SLIT1: variants seen among roughly 807,000 people sequenced by gnomAD.
SLIT1 encodes the protein slit guidance ligand 1.
Under a neutral mutation model 186.1 loss-of-function variants are expected in SLIT1, and 66 were observed. The ratio of observed to expected loss-of-function variants is 0.35; its 90% CI spans 0.29 to 0.44. The LOEUF (loss-of-function observed/expected upper bound fraction) is 0.44, where lower values mean the gene tolerates loss of function less well. Ranked by LOEUF, SLIT1 falls within the 20% of genes least tolerant of loss-of-function variation. The pLI, the probability that SLIT1 is intolerant of heterozygous loss-of-function variation, is 1.00. For missense variants in SLIT1, 1,638 were observed against 2,037.4 expected, an observed-to-expected ratio of 0.80 and a Z score of 3.77; for synonymous variants, 761 against 833.8, an observed-to-expected ratio of 0.91 and a Z score of 1.50.
intron 22 of SLIT1, among the ~76,000 whole-genome samples, chr10:97,037,449 T>G (rs534755337): frequency 4.0e-5 from 6 of 151,852 alleles, no homozygotes; most frequent in Non-Finnish European, 8.8e-5. Flanking sequence ...CGGGGGAGCT[T>G]TGGGGAGACG....
At chr10:97,095,329 A>C (rs1849276697) in intron 4 of SLIT1, among the ~76,000 whole-genome samples, 1 of 152,218 alleles carries the variant, frequency 6.6e-6, no homozygotes, top group South Asian at 2.1e-4. Context: ...AACTGCATCC[A>C]TGCTTTCCAG....
intron 4 of SLIT1, chr10:97,153,583 G>A (rs556909627): frequency 6.6e-6 from 1 of 152,316 alleles, no homozygotes; most frequent in African/African-American, 2.4e-5. Flanking sequence ...GAGATAGTGT[G>A]GGCACCATAG....
intron 4 of SLIT1, among the ~76,000 whole-genome samples, chr10:97,084,903 G>T (rs1054501594): frequency 6.8e-6 from 1 of 148,064 alleles, no homozygotes; most frequent in African/African-American, 2.5e-5. Flanking sequence ...CACTGCACCC[G>T]GCCACTGTTA....
At chr10:97,034,327 T>G in intron 23 of SLIT1, 144 bp downstream of exon 23, 1 of 696,024 alleles carries the variant, frequency 1.4e-6, no homozygotes, top group South Asian at 1.5e-5. Flanking sequence ...TCAAAGTCTT[T>G]TAGGCTCTCA....
intron 4 of SLIT1, among the ~76,000 whole-genome samples, chr10:97,112,724 C>T (rs900612958): frequency 1.3e-5 from 2 of 152,128 alleles, no homozygotes; most frequent in Admixed American, 6.5e-5. Context: ...TTTTTTGAGG[C>T]AGGGTCTCAC....
In SLIT1 at chr10:97,028,170, T is replaced by A. The variant is rs546328245; in HGVS notation, c.2582+2587A>T. ...GCAACCAAAAATTACCCAACACAGATGGAAACAAGCCCCTGTGAATTCAAG... is the reference window on the plus strand; with the variant it reads ...GCAACCAAAAATTACCCAACACAGAAGGAAACAAGCCCCTGTGAATTCAAG... On this transcript the variant is annotated intron_variant, in intron 25 of 36. Coordinates refer to ENST00000266058, the MANE Select transcript of SLIT1 (RefSeq NM_003061.3). Among the ~76,000 whole-genome samples, 4 of 152,242 alleles carry A rather than the reference T, an allele frequency of 2.6e-5. No individual in the cohort carries two copies. In the South Asian group the frequency reaches 8.3e-4, roughly 32 times the overall value.
Position 97,001,113 on chromosome 10 carries a change from T to C in SLIT1, c.4604A>G (p.Ter1535TrpextTer8), listed in dbSNP as rs1336790685. ...TCACCGGCCTGTCCACGCCCAGCGC[T>C]ATGCGCAGAGGGCACAGCCACACTT... ...PTKCGCALCA[*>W] is the part of the protein sequence containing the mutation. Residue 1535 changes from the stop codon to tryptophan, a stop_lost, in exon 37 of 37, where the codon TAG (stop) becomes TGG (tryptophan). Coordinates refer to ENST00000266058, the MANE Select transcript of SLIT1 (RefSeq NM_003061.3). The C allele has an allele frequency of 1.2e-6, 2 of 1,611,522 alleles. No individual in the cohort carries two copies. The highest frequency in any genetic ancestry group is 1.1e-5 in the South Asian group (1 of 91,046).
chr10:97,152,228 TGTCTCTGCAGG>T (rs1159040005), intron 4 of SLIT1, among the ~76,000 whole-genome samples: 6 of 151,710 alleles, frequency 4.0e-5, no homozygotes, highest in Non-Finnish European at 8.8e-5. Flanking sequence ...CTCCTCAGGG[TGTCTCTGCAGG>T]GTCACCTAAG....
At chr10:97,058,087 G>T in intron 11 of SLIT1, 1 of 717,258 alleles carries the variant, frequency 1.4e-6, no homozygotes, top group South Asian at 1.5e-5. Flanking sequence ...TGTGTGGACA[G>T]GTGACGGGGC....
At chr10:97,012,549 C>G (rs564969858) in intron 30 of SLIT1, among the ~76,000 whole-genome samples, 37 of 152,358 alleles carry the variant, frequency 2.4e-4, no homozygotes, top group Non-Finnish European at 2.5e-4. Context: ...GTGCTAGCAG[C>G]TCCAGGCTGG....
At chr10:97,120,689 A>G (rs1849552989) in intron 4 of SLIT1, among the ~76,000 whole-genome samples, 1 of 152,134 alleles carries the variant, frequency 6.6e-6, no homozygotes, top group Non-Finnish European at 1.5e-5. Context: ...TGATGATGCT[A>G]AGCGGCCGAC....
intron 34 of SLIT1, among the ~76,000 whole-genome samples, chr10:97,003,345 A>G (rs1405133338): frequency 6.6e-6 from 1 of 152,240 alleles, no homozygotes. Context: ...AGCCGTAGCA[A>G]AGGGGCAGGA....
Position 97,043,172 on chromosome 10 carries a change from C to T in SLIT1, c.1998-105G>A. On this transcript the variant is annotated intron_variant, in intron 19 of 36. Coordinates refer to ENST00000266058, the MANE Select transcript of SLIT1 (RefSeq NM_003061.3). The surrounding 1 kb of genome is among the most constrained non-coding windows in gnomAD (Gnocchi z 7.0). ...CACAGGGCCACATGGCCACATGGCA[C>T]TGTCTCCCAGACCACCACCCATCAC... The T allele has an allele frequency of 7.2e-7, 1 of 1,388,122 alleles. No homozygotes were observed. The allele number at this position is 1,388,122 out of a possible 1,614,324, so 86.0% of individuals were successfully genotyped here.
At chr10:97,074,795 G>A (rs891734157) in intron 4 of SLIT1, among the ~76,000 whole-genome samples, 3 of 152,220 alleles carry the variant, frequency 2.0e-5, no homozygotes, top group African/African-American at 7.2e-5. Flanking sequence ...ACCCTGCTCT[G>A]GCTGCCCCTC....
chr10:97,016,063 C>G (rs4600137), intron 28 of SLIT1, among the ~76,000 whole-genome samples: 8,561 of 152,266 alleles, frequency 0.056, 338 homozygotes, highest in East Asian at 0.18. Context: ...AATCCCAGCA[C>G]TTTGGGAGGC....
intron 4 of SLIT1, among the ~76,000 whole-genome samples, chr10:97,125,948 A>G (rs1849600531): frequency 6.6e-6 from 1 of 152,204 alleles, no homozygotes. Flanking sequence ...GCTCTACAGG[A>G]GGAAAATAAA....
intron 6 of SLIT1, 146 bp from the exon 7 acceptor site, chr10:97,064,385 GA>G (rs1848924355): frequency 2.8e-6 from 2 of 707,198 alleles, no homozygotes; most frequent in Middle Eastern, 2.8e-4. Flanking sequence ...CGAAGAGCAT[GA>G]GGCATATCCC....
intron 8 of SLIT1, among the ~76,000 whole-genome samples, chr10:97,062,202 C>T (rs1177304908): frequency 6.6e-6 from 1 of 152,042 alleles, no homozygotes; most frequent in African/African-American, 2.4e-5. Context: ...CGCACACAGG[C>T]ACACACACTC....
intron 4 of SLIT1, chr10:97,154,868 C>T (rs1361947104): frequency 1.3e-5 from 2 of 152,316 alleles, no homozygotes; most frequent in Admixed American, 6.5e-5. Context: ...ATATAGATGT[C>T]CTTTCCTCTA....
Sources: gnomAD v4.1 joint callset for allele counts (sites outside exome capture counted in the v4.1 genomes callset) on GRCh38, gnomAD v4.1.1 for gene constraint, Gnocchi (gnomAD v3.1) non-coding constraint, MANE v1.5 for transcripts, NCBI Gene and HGNC (gene_info 2026-07-23, HGNC 2026-07-21) for gene names.